Variants in RSU1 observed in about 807,000 individuals in gnomAD.
The protein encoded by RSU1 is rsu-1.
A neutral mutation model predicts 31.1 loss-of-function variants in RSU1; 26 were observed. The ratio of observed to expected loss-of-function variants is 0.84; its 90% CI spans 0.61 to 1.16. RSU1 has a LOEUF of 1.16. Among genes scored for constraint, RSU1 ranks in the 50% most tolerant of loss-of-function variants. RSU1 has a pLI of 0.00. For synonymous variants in RSU1, 164 were observed against 136.3 expected, an observed-to-expected ratio of 1.20 and a Z score of -1.41; for missense variants, 320 against 339.1, an observed-to-expected ratio of 0.94 and a Z score of 0.44.
chr10:16,693,586 G>A (rs764112160), intron 8 of RSU1, among the ~76,000 whole-genome samples: 1 of 152,174 alleles, frequency 6.6e-6, no homozygotes, highest in Non-Finnish European at 1.5e-5. Flanking sequence ...GTGCCAGGCT[G>A]GGCATGGTGG....
chr10:16,783,247 A>G (rs1236269332), intron 2 of RSU1, among the ~76,000 whole-genome samples: 1 of 151,986 alleles, frequency 6.6e-6, no homozygotes, highest in Non-Finnish European at 1.5e-5. Flanking sequence ...CTGTTAATGC[A>G]GTAGAGGTTT....
chr10:16,673,489 T>C (rs1564311245), intron 8 of RSU1, among the ~76,000 whole-genome samples: 1 of 152,236 alleles, frequency 6.6e-6, no homozygotes. Flanking sequence ...GAATTTTTCT[T>C]AGCAATATAG....
At chr10:16,675,424 T>C (rs1564312250) in intron 8 of RSU1, among the ~76,000 whole-genome samples, 1 of 152,160 alleles carries the variant, frequency 6.6e-6, no homozygotes, top group Non-Finnish European at 1.5e-5. Context: ...TTTTTTCTTT[T>C]TTAAAGTATA....
At chr10:16,624,835 T>C (rs961232937) in intron 8 of RSU1, among the ~76,000 whole-genome samples, 1 of 152,098 alleles carries the variant, frequency 6.6e-6, no homozygotes, top group Non-Finnish European at 1.5e-5. Flanking sequence ...GCTGATTGAT[T>C]AAAAAAAGTT....
intron 8 of RSU1, among the ~76,000 whole-genome samples, chr10:16,651,493 A>G (rs369361788): frequency 6.6e-6 from 1 of 152,236 alleles, no homozygotes; most frequent in East Asian, 1.9e-4. Flanking sequence ...CCACTGACAG[A>G]ATATTCAAAG....
At chr10:16,709,264 C>T (rs187021548) in intron 7 of RSU1, among the ~76,000 whole-genome samples, 246 of 151,586 alleles carry the variant, frequency 1.6e-3, no homozygotes, top group African/African-American at 5.4e-3. Context: ...TTTGTCCTTG[C>T]GATAGTTTAC....
chr10:16,719,138 T>A (rs925446090), intron 7 of RSU1, among the ~76,000 whole-genome samples: 1 of 152,096 alleles, frequency 6.6e-6, no homozygotes, highest in South Asian at 2.1e-4. Context: ...TGACAACCTA[T>A]CTCTACAAAA....
intron 8 of RSU1, among the ~76,000 whole-genome samples, chr10:16,637,706 A>G (rs557177843): frequency 5.6e-4 from 86 of 152,306 alleles, no homozygotes; most frequent in African/African-American, 1.9e-3. Flanking sequence ...TCTAGGCATT[A>G]TAAGAGTGAG....
At chr10:16,714,975 G>T (rs1352038202) in intron 7 of RSU1, among the ~76,000 whole-genome samples, 2 of 152,162 alleles carry the variant, frequency 1.3e-5, no homozygotes, top group African/African-American at 4.8e-5. Flanking sequence ...AATGGGGACT[G>T]CTGGGAATCA....
chr10:16,631,356 C>T (rs1020823785), intron 8 of RSU1, among the ~76,000 whole-genome samples: 4 of 152,192 alleles, frequency 2.6e-5, no homozygotes, highest in African/African-American at 7.2e-5. Context: ...CCTGTTAGCA[C>T]GGCAGGGACA....
At chr10:16,766,853 AAAAT>A (rs769546811) in intron 3 of RSU1, among the ~76,000 whole-genome samples, 23 of 148,694 alleles carry the variant, frequency 1.5e-4, no homozygotes, top group East Asian at 2.0e-4. Context: ...ATCTCTACAA[AAAAT>A]AAATAAATAA....
At chr10:16,782,783 T>C (rs1253393076) in intron 2 of RSU1, among the ~76,000 whole-genome samples, 2 of 152,142 alleles carry the variant, frequency 1.3e-5, no homozygotes, top group African/African-American at 4.8e-5. Context: ...AGAAAATATA[T>C]ACAGAGCCAC....
intron 2 of RSU1, 149 bp from the exon 3 acceptor site, chr10:16,782,233 C>A (rs1837669266): frequency 4.8e-6 from 3 of 627,754 alleles, no homozygotes; most frequent in Non-Finnish European, 5.6e-6. Flanking sequence ...ATTCATGTAA[C>A]ACGATCTATT....
intron 8 of RSU1, among the ~76,000 whole-genome samples, chr10:16,617,922 G>C (rs1834005783): frequency 6.6e-6 from 1 of 152,136 alleles, no homozygotes; most frequent in African/African-American, 2.4e-5. Flanking sequence ...CATAGGCATG[G>C]GCAAAGACTT....
chr10:16,788,441 A>G (rs1031702259), intron 2 of RSU1, among the ~76,000 whole-genome samples: 2 of 152,200 alleles, frequency 1.3e-5, no homozygotes, highest in Non-Finnish European at 1.5e-5. Flanking sequence ...AAGTGCCTTC[A>G]TAAGAGGAGA....
intron 8 of RSU1, among the ~76,000 whole-genome samples, chr10:16,664,980 G>A (rs376512199): frequency 6.6e-6 from 1 of 151,922 alleles, no homozygotes; most frequent in South Asian, 2.1e-4. Context: ...TTCTCACTCT[G>A]TCGCCCAGGC....
At chr10:16,674,196 G>A (rs1184050354) in intron 8 of RSU1, among the ~76,000 whole-genome samples, 1 of 152,064 alleles carries the variant, frequency 6.6e-6, no homozygotes, top group African/African-American at 2.4e-5. Flanking sequence ...TTAAAATTCT[G>A]TGTGCAGGAG....
At chr10:16,775,410 G>C (rs1837508383) in intron 3 of RSU1, among the ~76,000 whole-genome samples, 1 of 152,060 alleles carries the variant, frequency 6.6e-6, no homozygotes, top group Non-Finnish European at 1.5e-5. Flanking sequence ...ATATATTGTG[G>C]AGGAATTAGC....
chr10:16,617,115 C>T (rs930962834), intron 8 of RSU1, among the ~76,000 whole-genome samples: 1 of 152,194 alleles, frequency 6.6e-6, no homozygotes, highest in Non-Finnish European at 1.5e-5. Flanking sequence ...ACTCATTAAG[C>T]TGATAAGCAA....
Sources: gnomAD v4.1 joint callset for allele counts (sites outside exome capture counted in the v4.1 genomes callset) on GRCh38, gnomAD v4.1.1 for gene constraint, MANE v1.5 for transcripts, NCBI Gene and HGNC (gene_info 2026-07-23, HGNC 2026-07-21) for gene names.